The following TRIM13 variants were observed in gnomAD, a reference collection of about 807,000 sequenced individuals.
TRIM13 encodes the protein E3 ubiquitin-protein ligase TRIM13.
A neutral mutation model predicts 27.1 loss-of-function variants in TRIM13; 15 were observed. That is an observed-to-expected ratio of 0.55 (90% CI 0.37 to 0.85). TRIM13 has a LOEUF of 0.85. Among genes scored for constraint, TRIM13 ranks in the 40% least tolerant of loss-of-function variants. The pLI, the probability that TRIM13 is intolerant of heterozygous loss-of-function variation, is 0.00. For synonymous variants in TRIM13, 193 were observed against 171.5 expected, an observed-to-expected ratio of 1.13 and a Z score of -0.98; for missense variants, 402 against 472.2, an observed-to-expected ratio of 0.85 and a Z score of 1.38.
Position 50,015,988 on chromosome 13 carries a change from A to G in TRIM13, c.*2824A>G, listed in dbSNP as rs747693672. 20 of 1,614,052 alleles carry G rather than the reference A, an allele frequency of 1.2e-5. No individual in the cohort carries two copies. In the South Asian group the frequency reaches 2.1e-4, roughly 17 times the overall value. ...TCCCTCCTCAGATGACCTTACTTCC[A>G]CTGCCTCCACAAAGACCTTCTTACC... On this transcript the variant is annotated 3_prime_UTR_variant, in exon 2 of 2. Coordinates refer to ENST00000378182, the MANE Select transcript of TRIM13 (RefSeq NM_213590.3).
In TRIM13 at chr13:50,012,197, A is replaced by G. The variant is rs761816942; in HGVS notation, c.257A>G (p.Lys86Arg). ...ATTGTGGAAAAGTATAACAAGATCA[A>G]GATCTCTCCCAAAATGCCAGTATGC... is the stretch of plus-strand genomic sequence containing the variant. ...KGIVEKYNKI[K>R]ISPKMPVCKG... The change falls in exon 2 of 2, where the codon AAG becomes AGG. Residue 86 changes from lysine (K) to arginine (R), a missense_variant. Around this residue, in one of 2 missense-constraint regions of TRIM13, gnomAD observed 202 missense variants for 277.5 expected, o/e 0.73. Transcript: ENST00000378182. 1.2e-6 allele frequency: 2 copies of G among 1,614,200 alleles called. No individual in the cohort carries two copies. Among genetic ancestry groups the G allele is most frequent in the South Asian group, 1.1e-5 (1 of 91,084 alleles).
intron 1 of TRIM13, among the ~76,000 whole-genome samples, chr13:50,007,228 C>A (rs1329097984): frequency 6.7e-6 from 1 of 150,204 alleles, no homozygotes; most frequent in Non-Finnish European, 1.5e-5. Flanking sequence ...TGGTGGCTCA[C>A]GCCTATAATC....
intron 1 of TRIM13, among the ~76,000 whole-genome samples, chr13:49,999,485 C>T (rs1407726022): frequency 2.0e-5 from 3 of 152,138 alleles, no homozygotes; most frequent in East Asian, 1.9e-4. Context: ...GAGACAACCA[C>T]GGGTGTATCC....
At chr13:49,998,355 C>T (rs1373875269) in intron 1 of TRIM13, among the ~76,000 whole-genome samples, 1 of 152,162 alleles carries the variant, frequency 6.6e-6, no homozygotes, top group Non-Finnish European at 1.5e-5. Flanking sequence ...GGCCTTAATT[C>T]TGTCACAGCT....
At chr13:49,998,658 A>T (rs1255483112) in intron 1 of TRIM13, among the ~76,000 whole-genome samples, 2 of 151,700 alleles carry the variant, frequency 1.3e-5, no homozygotes, top group African/African-American at 4.8e-5. Context: ...TTTTCCTTTA[A>T]TAAAAAGCAG....
At position 50,016,058 on chromosome 13, in the gene TRIM13, C is replaced by A; in HGVS notation, c.*2894C>A. ...TGGTTCTGACAGCACTACTGATAAC[C>A]AAACTGGAGTCAGGTATTTTGTACT... On this transcript the variant is annotated 3_prime_UTR_variant, in exon 2 of 2. Transcript: ENST00000378182. 6.2e-7 allele frequency: 1 copy of A among 1,612,194 alleles called. No individual in the cohort carries two copies. The highest frequency in any genetic ancestry group is 1.1e-5 in the South Asian group (1 of 91,024).
chr13:50,005,541 G>A (rs1874577411), intron 1 of TRIM13, among the ~76,000 whole-genome samples: 1 of 151,562 alleles, frequency 6.6e-6, no homozygotes, highest in Non-Finnish European at 1.5e-5. Context: ...TGGCATGGTT[G>A]TAGGCGCGTG....
rs1876162784 is a variant in TRIM13 at position 50,014,726 on chromosome 13, T to C, written c.*1562T>C. 1 of 166,850 alleles carries C rather than the reference T, an allele frequency of 6.0e-6. No individual in the cohort carries two copies. The highest frequency in any genetic ancestry group is 2.1e-4 in the South Asian group (1 of 4,822). The allele number at this position is 166,850 out of a possible 1,614,324, so 10.3% of individuals were successfully genotyped here. On this transcript the variant is annotated 3_prime_UTR_variant, in exon 2 of 2. Coordinates refer to ENST00000378182, the MANE Select transcript of TRIM13 (RefSeq NM_213590.3). ...TATAACTGCTCTCTAGTCTGCCTTATTTGTGTCATAGAGTAAGATATTCCT... is the reference window on the plus strand; with the variant it reads ...TATAACTGCTCTCTAGTCTGCCTTACTTGTGTCATAGAGTAAGATATTCCT...
Position 50,017,816 on chromosome 13 carries a change from A to G in TRIM13, c.*4652A>G, listed in dbSNP as rs772413525. On this transcript the variant is annotated 3_prime_UTR_variant, in exon 2 of 2. Transcript: ENST00000378182. ...TTTGCTCACTCCCTGGTCTGAATCT[A>G]TCTGTCTATTCAGATATTTTTTGGT... 1.2e-5 allele frequency: 2 copies of G among 167,016 alleles called. No individual in the cohort carries two copies. Among genetic ancestry groups the G allele is most frequent in the Non-Finnish European group, 2.9e-5 (2 of 68,106 alleles). The allele number at this position is 167,016 out of a possible 1,614,324, so 10.3% of individuals were successfully genotyped here.
In TRIM13 at chr13:50,015,836, C is replaced by T. The variant is rs777921805; in HGVS notation, c.*2672C>T. 1.2e-6 allele frequency: 2 copies of T among 1,614,022 alleles called. No individual in the cohort carries two copies. Among genetic ancestry groups the T allele is most frequent in the Admixed American group, 1.7e-5 (1 of 60,002 alleles). ...ACCTGCTCTTGTGGAGGTACATTTC[C>T]TAAGCCGGAACACTCAAGCTTTTTT... On this transcript the variant is annotated 3_prime_UTR_variant, in exon 2 of 2. Transcript: ENST00000378182.
rs1413185166 is a variant in TRIM13, at chr13:50,013,119, A to T, written c.1179A>T (p.Val393=). 2 of 1,606,998 alleles carry T rather than the reference A, an allele frequency of 1.2e-6. No homozygotes were observed. Among genetic ancestry groups the T allele is most frequent in the East Asian group, 2.2e-5 (1 of 44,798 alleles). ...NERFKNFTLV[V]LNNVAEFVCK... ...GATTCAAGAATTTTACTTTGGTGGT[A>T]CTGAACAATGTGGCAGAATTTGTGT... The change falls in exon 2 of 2, where the codon GTA becomes GTT. Residue 393 remains valine (V), a synonymous_variant. Coordinates refer to ENST00000378182, the MANE Select transcript of TRIM13 (RefSeq NM_213590.3).
intron 1 of TRIM13, among the ~76,000 whole-genome samples, chr13:50,005,909 G>A (rs1312014369): frequency 6.6e-6 from 1 of 151,600 alleles, no homozygotes; most frequent in Non-Finnish European, 1.5e-5. Flanking sequence ...TAGAGACGGG[G>A]TTTCTCCATG....
chr13:50,008,277 GATA>G (rs2138390625), intron 1 of TRIM13, among the ~76,000 whole-genome samples: 1 of 152,270 alleles, frequency 6.6e-6, no homozygotes, highest in African/African-American at 2.4e-5. Context: ...TGATATTGTT[GATA>G]ATGTGATATG....
In TRIM13 at chr13:50,012,903, C is replaced by T. The variant is rs1875832014; in HGVS notation, c.963C>T (p.Ile321=). ...GCTTTTATAAGTTATTTTTGCTAAT[C>T]CTTCTGCTTGGCCTTGTCATTGTCT... The part of the protein sequence containing the change: ...PWSFYKLFLL[I]LLLGLVIVFG... Residue 321 remains isoleucine (I), a synonymous_variant, in exon 2 of 2, where the codon ATC becomes ATT. Transcript: ENST00000378182. The T allele has an allele frequency of 6.2e-7, 1 of 1,613,966 alleles. No individual in the cohort carries two copies. Among genetic ancestry groups the T allele is most frequent in the Non-Finnish European group, 8.5e-7 (1 of 1,180,008 alleles).
In TRIM13 at chr13:50,013,166, ATC is replaced by A; in HGVS notation, c.*4_*5del. The A allele has an allele frequency of 6.5e-7, 1 of 1,544,946 alleles. No individual in the cohort carries two copies. Among genetic ancestry groups the A allele is most frequent in the African/African-American group, 1.4e-5 (1 of 72,278 alleles). Reference sequence around the variant, plus strand: ...GTGTGCAAATATAAACTATTATAAAATCTGTTTCAAGTATGCAGTTTTCTTTT... The same window carrying A: ...GTGTGCAAATATAAACTATTATAAAATGTTTCAAGTATGCAGTTTTCTTTT... On this transcript the variant is annotated 3_prime_UTR_variant, in exon 2 of 2. Coordinates refer to ENST00000378182, the MANE Select transcript of TRIM13 (RefSeq NM_213590.3).
At position 50,014,344 on chromosome 13, in the gene TRIM13, A is replaced by AAAAAAATAT. The variant is rs1555325057; in HGVS notation, c.*1181_*1182insAAAAATATA. The AAAAAAATAT allele has an allele frequency of 1.2e-3, 24 of 19,718 alleles. 1 individual carries two copies. The highest frequency in any genetic ancestry group is 1.4e-3 in the Non-Finnish European group (17 of 12,092). 1.2% of individuals were successfully genotyped at this position (19,718 alleles called of 1,614,324 possible). ...AAAAAAAAAAAAAAAAAAAAAAAAA[A>AAAAAAATAT]ATATATATATATATATACACACACA... is the stretch of plus-strand genomic sequence containing the variant. On this transcript the variant is annotated 3_prime_UTR_variant, in exon 2 of 2. Coordinates refer to ENST00000378182, the MANE Select transcript of TRIM13 (RefSeq NM_213590.3).
chr13:50,010,435 A>G (rs1008196669), intron 1 of TRIM13, among the ~76,000 whole-genome samples: 3 of 152,030 alleles, frequency 2.0e-5, no homozygotes, highest in Non-Finnish European at 4.4e-5. Flanking sequence ...TTGTTTATGA[A>G]CCTGTTGGTC....
chr13:50,000,452 A>G (rs1873885524), intron 1 of TRIM13, among the ~76,000 whole-genome samples: 1 of 152,202 alleles, frequency 6.6e-6, no homozygotes, highest in Non-Finnish European at 1.5e-5. Flanking sequence ...TTACAATACC[A>G]AAAAAACACA....
chr13:50,015,089 AAAAAAATATAT>A lies in TRIM13; in HGVS notation c.*1927_*1937del, dbSNP rs1876259641. On this transcript the variant is annotated 3_prime_UTR_variant, in exon 2 of 2. Transcript: ENST00000378182. ...CCTCCCAGTAATAAAAAAAAAAAAAAAAAAAATATATATATATATATATATATATATATATA... is the reference window on the plus strand; with the variant it reads ...CCTCCCAGTAATAAAAAAAAAAAAAAATATATATATATATATATATATATA... The A allele has an allele frequency of 1.2e-4, 5 of 43,332 alleles. No individual in the cohort carries two copies. The highest frequency in any genetic ancestry group is 5.2e-4 in the East Asian group (1 of 1,934). 2.7% of individuals were successfully genotyped at this position (43,332 alleles called of 1,614,324 possible).
Sources: gnomAD v4.1 joint callset for allele counts (sites outside exome capture counted in the v4.1 genomes callset) on GRCh38, gnomAD v4.1.1 for gene constraint, gnomAD v4.1.1 regional missense constraint, MANE v1.5 for transcripts, NCBI Gene and HGNC (gene_info 2026-07-23, HGNC 2026-07-21) for gene names.